TENM3: variants seen among roughly 807,000 people sequenced by gnomAD.
TENM3 encodes teneurin-3.
Under a neutral mutation model 255.1 loss-of-function variants are expected in TENM3, and 63 were observed. The ratio of observed to expected loss-of-function variants is 0.25; its 90% CI spans 0.20 to 0.30. The LOEUF is 0.30. Ranked by LOEUF, TENM3 falls within the 10% of genes least tolerant of loss-of-function variation. The pLI is 1.00. For synonymous variants in TENM3, 1,306 were observed against 1,322.3 expected, an observed-to-expected ratio of 0.99 and a Z score of 0.27; for missense variants, 2,929 against 3,461.1, an observed-to-expected ratio of 0.85 and a Z score of 3.86.
chr4:182,302,208 C>A (rs1384221170), intron 1 of TENM3, among the ~76,000 whole-genome samples: 1 of 152,172 alleles, frequency 6.6e-6, no homozygotes, highest in African/African-American at 2.4e-5. Flanking sequence ...AGCCTTTTCT[C>A]ATTTTCACGC....
chr4:181,938,979 A>T, the TENM3 span, among the ~76,000 whole-genome samples: 1 of 152,218 alleles, frequency 6.6e-6, no homozygotes, highest in African/African-American at 2.4e-5. Context: ...GCACTAAAGA[A>T]CAGAATTTCT....
intron 22 of TENM3, among the ~76,000 whole-genome samples, chr4:182,766,349 G>A (rs937852880): frequency 2.6e-5 from 4 of 151,860 alleles, no homozygotes; most frequent in African/African-American, 9.7e-5. Context: ...ACCCATGTCA[G>A]CCTTCCTCAC....
chr4:182,560,798 G>A (rs1743082606), intron 3 of TENM3, among the ~76,000 whole-genome samples: 1 of 152,042 alleles, frequency 6.6e-6, no homozygotes, highest in Non-Finnish European at 1.5e-5. Context: ...GAAAGAGAAG[G>A]GGAAAAGAAA....
chr4:181,863,187 T>G, the TENM3 span, among the ~76,000 whole-genome samples: 1 of 152,180 alleles, frequency 6.6e-6, no homozygotes, highest in Non-Finnish European at 1.5e-5. Context: ...AATATATTAA[T>G]TTCACCAAGG....
chr4:181,896,426 C>T, the TENM3 span, among the ~76,000 whole-genome samples: 1 of 152,118 alleles, frequency 6.6e-6, no homozygotes, highest in South Asian at 2.1e-4. Context: ...TTTAAAAGAA[C>T]TGAAAAGTCT....
the TENM3 span, among the ~76,000 whole-genome samples, chr4:182,019,088 G>GTTACC: frequency 6.6e-6 from 1 of 152,198 alleles, no homozygotes; most frequent in Non-Finnish European, 1.5e-5. Context: ...GCCTGGGCTG[G>GTTACC]TTACCTGGTG....
chr4:182,379,858 C>A (rs1332581616), intron 3 of TENM3, among the ~76,000 whole-genome samples: 1 of 152,154 alleles, frequency 6.6e-6, no homozygotes, highest in African/African-American at 2.4e-5. Flanking sequence ...ATGAGAGAAT[C>A]TACTTCACAG....
chr4:182,465,141 A>G (rs1732463955), intron 3 of TENM3, among the ~76,000 whole-genome samples: 1 of 152,324 alleles, frequency 6.6e-6, no homozygotes, highest in African/African-American at 2.4e-5. Flanking sequence ...AGTTTCTAGT[A>G]ATGTCTTTCT....
chr4:182,766,111 G>A (rs528207292), intron 22 of TENM3, among the ~76,000 whole-genome samples: 1 of 152,202 alleles, frequency 6.6e-6, no homozygotes, highest in South Asian at 2.1e-4. Context: ...TCAGTGCCAG[G>A]GTGTGGGGTC....
chr4:182,400,484 C>A (rs1769146378), intron 3 of TENM3, among the ~76,000 whole-genome samples: 1 of 152,126 alleles, frequency 6.6e-6, no homozygotes, highest in Non-Finnish European at 1.5e-5. Flanking sequence ...GCTAAATAGG[C>A]TCATTTCATT....
chr4:182,295,313 A>C (rs1761414746), intron 1 of TENM3, among the ~76,000 whole-genome samples: 1 of 129,244 alleles, frequency 7.7e-6, no homozygotes, highest in Non-Finnish European at 1.5e-5. Context: ...TGTCTCCCAG[A>C]CTGGAGTGCA....
At chr4:181,683,953 T>A in the TENM3 span, among the ~76,000 whole-genome samples, 1 of 152,128 alleles carries the variant, frequency 6.6e-6, no homozygotes, top group Non-Finnish European at 1.5e-5. Context: ...TTCATGAGAA[T>A]CCAATGGGTT....
At chr4:182,076,130 C>T in the TENM3 span, among the ~76,000 whole-genome samples, 230 of 151,772 alleles carry the variant, frequency 1.5e-3, no homozygotes, top group African/African-American at 5.1e-3. Flanking sequence ...AGGCTGGTCT[C>T]GAACTCGTGG....
chr4:182,074,873 G>C, the TENM3 span, among the ~76,000 whole-genome samples: 2 of 152,176 alleles, frequency 1.3e-5, no homozygotes, highest in Non-Finnish European at 2.9e-5. Flanking sequence ...ACTTCAAAAA[G>C]AATAGTCAGT....
At chr4:182,055,514 T>A in the TENM3 span, among the ~76,000 whole-genome samples, 43 of 152,250 alleles carry the variant, frequency 2.8e-4, no homozygotes, top group African/African-American at 1.0e-3. Context: ...GCCTTGATGA[T>A]CCTTGCCTCC....
chr4:182,245,022 T>C (rs576826889), intron 1 of TENM3, among the ~76,000 whole-genome samples: 7 of 152,336 alleles, frequency 4.6e-5, no homozygotes, highest in African/African-American at 1.4e-4. Flanking sequence ...TACTTTCTAG[T>C]GTTTTGGGAA....
chr4:181,805,275 G>C, the TENM3 span, among the ~76,000 whole-genome samples: 77,351 of 151,472 alleles, frequency 0.51, 21,132 homozygotes, highest in Non-Finnish European at 0.62. Context: ...CACTCCACCC[G>C]CTCCAGTCTC....
chr4:181,565,336 G>A, the TENM3 span, among the ~76,000 whole-genome samples: 384 of 152,288 alleles, frequency 2.5e-3, 3 homozygotes, highest in African/African-American at 8.8e-3. Context: ...TTACATGGAC[G>A]TATTTAAACT....
chr4:181,508,827 A>G, the TENM3 span, among the ~76,000 whole-genome samples: 1 of 139,014 alleles, frequency 7.2e-6, no homozygotes. Flanking sequence ...ATGTTAATCT[A>G]TTCTTTTCAG....
Sources: gnomAD v4.1 joint callset for allele counts (sites outside exome capture counted in the v4.1 genomes callset) on GRCh38, gnomAD v4.1.1 for gene constraint, MANE v1.5 for transcripts, NCBI Gene and HGNC (gene_info 2026-07-23, HGNC 2026-07-21) for gene names.